CTNNA2: variants seen among roughly 807,000 people sequenced by gnomAD.
CTNNA2 encodes catenin alpha-2.
Under a neutral mutation model 101.0 loss-of-function variants are expected in CTNNA2, and 42 were observed. That is an observed-to-expected ratio of 0.42 (90% CI 0.32 to 0.54). The LOEUF (loss-of-function observed/expected upper bound fraction) is 0.54. CTNNA2 is among the 20% of genes least tolerant of loss of function. The probability of loss-of-function intolerance (pLI) is 0.14; values close to 1 mark genes in which losing one functional copy is unlikely to be tolerated. For missense variants in CTNNA2, 871 were observed against 1,223.1 expected, an observed-to-expected ratio of 0.71 and a Z score of 4.29; for synonymous variants, 450 against 456.4, an observed-to-expected ratio of 0.99 and a Z score of 0.18.
intron 2 of CTNNA2, among the ~76,000 whole-genome samples, chr2:79,219,032 C>T (rs1674306254): frequency 1.3e-5 from 2 of 152,076 alleles, no homozygotes; most frequent in Admixed American, 1.3e-4. Flanking sequence ...ATGTATAGTA[C>T]AAAATTGCCA....
At chr2:79,444,266 T>C (rs2104521192) in intron 4 of CTNNA2, among the ~76,000 whole-genome samples, 1 of 152,196 alleles carries the variant, frequency 6.6e-6, no homozygotes, top group East Asian at 1.9e-4. Flanking sequence ...GCACAATAGA[T>C]AACTAGTGTA....
intron 3 of CTNNA2, among the ~76,000 whole-genome samples, chr2:79,762,757 A>G (rs1249362681): frequency 6.6e-6 from 1 of 152,216 alleles, no homozygotes; most frequent in African/African-American, 2.4e-5. Flanking sequence ...TCATCTTTCA[A>G]GAAGAATATA....
chr2:80,441,946 C>T (rs988080145), intron 9 of CTNNA2, among the ~76,000 whole-genome samples: 1 of 152,214 alleles, frequency 6.6e-6, no homozygotes. Flanking sequence ...AAGGGAGACA[C>T]CAGTCTTTCA....
chr2:80,313,361 A>G (rs960281604), intron 7 of CTNNA2: 1 of 1,349,216 alleles, frequency 7.4e-7, no homozygotes, highest in African/African-American at 1.5e-5. Flanking sequence ...TGTAAGTCAG[A>G]TGGAATTTTA....
chr2:79,596,020 T>G (rs1677169360), intron 1 of CTNNA2, among the ~76,000 whole-genome samples: 1 of 151,396 alleles, frequency 6.6e-6, no homozygotes, highest in Non-Finnish European at 1.5e-5. Context: ...CTGGAAAACT[T>G]TTATTTATTT....
intron 1 of CTNNA2, among the ~76,000 whole-genome samples, chr2:79,546,061 G>T (rs901098440): frequency 1.3e-5 from 2 of 152,148 alleles, no homozygotes; most frequent in Non-Finnish European, 2.9e-5. Context: ...GTTTGAACCT[G>T]AGCAGTCAAA....
At chr2:80,494,684 G>GTGTTAAAAGATACTTT (rs1553536254) in intron 9 of CTNNA2, among the ~76,000 whole-genome samples, 1 of 150,252 alleles carries the variant, frequency 6.7e-6, no homozygotes, top group African/African-American at 2.5e-5. Context: ...TAGACGAAGG[G>GTGTTAAAAGATACTTT]ACAGTTTAGC....
At chr2:80,313,993 G>A (rs1479970707) in intron 7 of CTNNA2, among the ~76,000 whole-genome samples, 10 of 152,164 alleles carry the variant, frequency 6.6e-5, no homozygotes, top group Non-Finnish European at 1.3e-4. Context: ...GAGAAGGGAG[G>A]CAAGGAAGAG....
At chr2:80,025,609 G>A (rs1694880530) in intron 7 of CTNNA2, among the ~76,000 whole-genome samples, 1 of 152,188 alleles carries the variant, frequency 6.6e-6, no homozygotes, top group Non-Finnish European at 1.5e-5. Flanking sequence ...GAACTGTTGG[G>A]AGTCTATGGA....
In CTNNA2 at chr2:79,672,161, A is replaced by G. The variant is rs182772352; in HGVS notation, c.102+20503A>G. 2.3e-3 allele frequency among the ~76,000 whole-genome samples: 351 copies of G among 152,360 alleles called. 2 individuals are homozygous for G. Among genetic ancestry groups the G allele is most frequent in the African/African-American group, 7.4e-3 (307 of 41,584 alleles). On this transcript the variant is annotated intron_variant, in intron 2 of 18. Coordinates refer to ENST00000402739, the MANE Select transcript of CTNNA2 (RefSeq NM_001282597.3). ...ATAGGCATCAAAAGCCTTGAAGTCA[A>G]GATGACATTACTTGATGGTTAACAA...
intron 4 of CTNNA2, among the ~76,000 whole-genome samples, chr2:79,464,855 T>C (rs1270529605): frequency 6.6e-6 from 1 of 152,198 alleles, no homozygotes; most frequent in Non-Finnish European, 1.5e-5. Flanking sequence ...GCAAGTTTGT[T>C]TAAGTTCTTT....
At chr2:79,759,661 C>CT (rs1164121902) in intron 3 of CTNNA2, among the ~76,000 whole-genome samples, 2 of 152,122 alleles carry the variant, frequency 1.3e-5, no homozygotes, top group Non-Finnish European at 2.9e-5. Flanking sequence ...TTCCCTCCCA[C>CT]TTTTTTCTGG....
At chr2:80,208,785 G>A (rs188920336) in intron 7 of CTNNA2, among the ~76,000 whole-genome samples, 209 of 152,242 alleles carry the variant, frequency 1.4e-3, no homozygotes, top group Middle Eastern at 3.4e-3. Context: ...TGAATCATCC[G>A]TTGTGTTAAT....
At chr2:79,702,776 T>C (rs1175912467) in intron 2 of CTNNA2, among the ~76,000 whole-genome samples, 2 of 152,194 alleles carry the variant, frequency 1.3e-5, no homozygotes, top group Non-Finnish European at 2.9e-5. Context: ...ATGTAGAACT[T>C]ACCTAAATTG....
intron 3 of CTNNA2, among the ~76,000 whole-genome samples, chr2:79,317,426 G>A (rs1676522686): frequency 1.3e-5 from 2 of 151,944 alleles, no homozygotes; most frequent in South Asian, 4.1e-4. Flanking sequence ...CTCATAGATT[G>A]GGTTGGGTTA....
At chr2:80,105,224 C>A (rs1700803136) in intron 7 of CTNNA2, among the ~76,000 whole-genome samples, 1 of 152,166 alleles carries the variant, frequency 6.6e-6, no homozygotes. Flanking sequence ...GAGAGTGAGT[C>A]ATCGGCTCTC....
intron 2 of CTNNA2, among the ~76,000 whole-genome samples, chr2:79,237,889 T>A (rs1184131848): frequency 6.6e-6 from 1 of 152,226 alleles, no homozygotes; most frequent in Non-Finnish European, 1.5e-5. Flanking sequence ...TTGTTTGATC[T>A]TCTATCCAGA....
At chr2:79,546,464 G>A (rs539601709) in intron 1 of CTNNA2, among the ~76,000 whole-genome samples, 13 of 152,130 alleles carry the variant, frequency 8.5e-5, no homozygotes, top group East Asian at 3.9e-4. Flanking sequence ...TATTATTACC[G>A]TAGCACTGAA....
chr2:80,351,796 TA>T (rs1165428201), intron 7 of CTNNA2, among the ~76,000 whole-genome samples: 2 of 152,162 alleles, frequency 1.3e-5, no homozygotes, highest in Non-Finnish European at 2.9e-5. Context: ...CAGTTTGGGC[TA>T]ATTTTATCTT....
Sources: gnomAD v4.1 joint callset for allele counts (sites outside exome capture counted in the v4.1 genomes callset) on GRCh38, gnomAD v4.1.1 for gene constraint, MANE v1.5 for transcripts, NCBI Gene and HGNC (gene_info 2026-07-23, HGNC 2026-07-21) for gene names.